Variants in ARID2 observed in about 807,000 individuals in gnomAD.
The protein encoded by ARID2 is AT-rich interaction domain 2.
In ARID2, 32 loss-of-function variants were observed where a neutral mutation model predicts 184.6. The ratio of observed to expected loss-of-function variants is 0.17; its 90% confidence interval spans 0.13 to 0.23. The LOEUF (loss-of-function observed/expected upper bound fraction) is 0.23. Ranked by LOEUF, ARID2 falls within the 10% of genes least tolerant of loss-of-function variation. ARID2 has a pLI of 1.00. For synonymous variants in ARID2, 836 were observed against 772.6 expected (o/e 1.08, Z -1.36); for missense variants, 1,696 against 2,197.6 (o/e 0.77, Z 4.56).
At chr12:45,746,859 C>T (rs142701249) in intron 3 of ARID2, among the ~76,000 whole-genome samples, 3,632 of 152,226 alleles carry the variant, frequency 0.024, 60 homozygotes, top group Non-Finnish European at 0.038. Flanking sequence ...CTCCGCCTTC[C>T]GGGTTCACGC....
At position 45,849,758 on chromosome 12, in the gene ARID2, C is replaced by T. The variant is rs2138157599; in HGVS notation, c.1894C>T (p.Pro632Ser). Residue 632 changes from proline to serine, a missense_variant, in exon 14 of 21, where the codon CCT (proline) becomes TCT (serine). Transcript: ENST00000334344. ...VRVDSVPDVS[P>S]APSPAGIPHG... is the part of the protein sequence containing the mutation. ...TGTTGATTCTGTTCCTGATGTATCTCCTGCTCCTTCACCTGCAGGTGTTAA... is the reference window on the plus strand; with the variant it reads ...TGTTGATTCTGTTCCTGATGTATCTTCTGCTCCTTCACCTGCAGGTGTTAA... 6.2e-7 allele frequency: 1 copy of T among 1,611,922 alleles called. No individual in the cohort carries two copies. Among genetic ancestry groups the T allele is most frequent in the Non-Finnish European group, 8.5e-7 (1 of 1,179,012 alleles).
At chr12:45,745,381 G>A (rs1032331636) in intron 3 of ARID2, among the ~76,000 whole-genome samples, 15 of 152,118 alleles carry the variant, frequency 9.9e-5, no homozygotes, top group Non-Finnish European at 1.5e-4. Flanking sequence ...GTAGGCCTGC[G>A]TGGGGATAAT....
intron 3 of ARID2, among the ~76,000 whole-genome samples, chr12:45,741,045 C>CT (rs982090755): frequency 6.6e-6 from 1 of 152,272 alleles, no homozygotes; most frequent in Non-Finnish European, 1.5e-5. Flanking sequence ...TACCATCAAA[C>CT]TTTTACCCAG....
chr12:45,758,961 T>C (rs929829554), intron 3 of ARID2, among the ~76,000 whole-genome samples: 4 of 152,106 alleles, frequency 2.6e-5, no homozygotes, highest in African/African-American at 9.7e-5. Context: ...AAAAGTCATA[T>C]CAGATATGTC....
chr12:45,883,684 C>G lies in ARID2; in HGVS notation c.4923-8096C>G, dbSNP rs113687951. Among the ~76,000 whole-genome samples, 1,097 of 151,414 alleles carry G rather than the reference C, an allele frequency of 7.2e-3. 10 individuals carry two copies. The highest frequency in any genetic ancestry group is 0.017 in the Middle Eastern group (5 of 294). ...GTAGTATCACATAGAAGGAGAAAAT[C>G]AGGTCTTTTATGTTAGACATACCAG... On this transcript the variant is annotated intron_variant, in intron 16 of 20. Coordinates refer to ENST00000334344, the MANE Select transcript of ARID2 (RefSeq NM_152641.4).
In ARID2 at chr12:45,821,429, C is replaced by T. The variant is rs2138098837; in HGVS notation, c.647C>T (p.Ser216Phe). 6.6e-7 allele frequency: 1 copy of T among 1,515,702 alleles called. No individual in the cohort carries two copies. The allele number at this position is 1,515,702 out of a possible 1,614,324, so 93.9% of individuals were successfully genotyped here. Residue 216 changes from serine (S) to phenylalanine (F), a missense_variant, in exon 6 of 21, where the codon TCC (serine) becomes TTC (phenylalanine). Physicochemically the swap from Ser to Phe is radical, Grantham distance 155. Transcript: ENST00000334344. ...TTTATTTGTTTTTTAGCTTTAGGAT[C>T]CTTTTCCACTGTATTTGGAGAAGAA... ...NAGVFDDTLG[S>F]FSTVFGEEWK...
intron 15 of ARID2, among the ~76,000 whole-genome samples, chr12:45,859,121 A>G (rs1457467323): frequency 1.3e-5 from 2 of 152,166 alleles, no homozygotes; most frequent in Non-Finnish European, 2.9e-5. Context: ...TTTCCCACCT[A>G]TTGCCAGTAC....
chr12:45,836,147 C>T (rs1943217490), intron 6 of ARID2, among the ~76,000 whole-genome samples: 1 of 152,138 alleles, frequency 6.6e-6, no homozygotes, highest in Admixed American at 6.6e-5. Flanking sequence ...GTAGCAATAT[C>T]CACATGAACT....
intron 3 of ARID2, among the ~76,000 whole-genome samples, chr12:45,788,117 T>G (rs1190724689): frequency 6.6e-6 from 1 of 152,212 alleles, no homozygotes; most frequent in East Asian, 1.9e-4. Flanking sequence ...ATTCAACATT[T>G]AAACGTAGAA....
At chr12:45,788,124 A>G (rs542255591) in intron 3 of ARID2, among the ~76,000 whole-genome samples, 1 of 152,318 alleles carries the variant, frequency 6.6e-6, no homozygotes, top group Admixed American at 6.5e-5. Context: ...ATTTAAACGT[A>G]GAACTTTAGA....
intron 6 of ARID2, among the ~76,000 whole-genome samples, chr12:45,828,610 G>A (rs561126378): frequency 4.6e-5 from 7 of 152,042 alleles, no homozygotes; most frequent in Middle Eastern, 3.4e-3. Flanking sequence ...CCAGTTCCTC[G>A]TTGTTGACAG....
intron 3 of ARID2, among the ~76,000 whole-genome samples, chr12:45,792,193 G>C (rs1366734899): frequency 1.3e-5 from 2 of 151,954 alleles, no homozygotes; most frequent in African/African-American, 2.4e-5. Flanking sequence ...GTACATTTCT[G>C]TCTTAAGTAC....
intron 3 of ARID2, among the ~76,000 whole-genome samples, chr12:45,781,815 T>G (rs1477022636): frequency 6.6e-6 from 1 of 152,204 alleles, no homozygotes; most frequent in Non-Finnish European, 1.5e-5. Flanking sequence ...TTAACATACT[T>G]TAAGTGCTCT....
rs538608702 is a variant in ARID2, at chr12:45,803,116, T to A, written c.285-8302T>A. 4.6e-5 allele frequency among the ~76,000 whole-genome samples: 7 copies of A among 152,334 alleles called. No homozygotes were observed. The South Asian group carries it at 1.4e-3, about 32-fold the overall frequency. On this transcript the variant is annotated intron_variant, in intron 3 of 20. Transcript: ENST00000334344. Reference sequence around the variant, plus strand: ...ATTATTTGCTTATGAGAACATATCTTCCATGTTAGAGCTTTCCTTTAATGA... The same window carrying A: ...ATTATTTGCTTATGAGAACATATCTACCATGTTAGAGCTTTCCTTTAATGA...
At chr12:45,843,408 C>T (rs1381777339) in intron 11 of ARID2, among the ~76,000 whole-genome samples, 2 of 150,858 alleles carry the variant, frequency 1.3e-5, no homozygotes, top group Non-Finnish European at 1.5e-5. Flanking sequence ...CAGCGTCTCA[C>T]TCTTGCCCAG....
chr12:45,868,239 G>A (rs1943862133), intron 16 of ARID2, among the ~76,000 whole-genome samples: 1 of 152,104 alleles, frequency 6.6e-6, no homozygotes, highest in Admixed American at 6.5e-5. Flanking sequence ...TCAGGAGTTC[G>A]AGACCAGCCT....
intron 16 of ARID2, among the ~76,000 whole-genome samples, chr12:45,887,337 T>G (rs1309797076): frequency 6.6e-6 from 1 of 152,224 alleles, no homozygotes; most frequent in Non-Finnish European, 1.5e-5. Flanking sequence ...CATTTTGCAT[T>G]GTTTTGCCAG....
At chr12:45,902,838 C>T (rs1344549446) in intron 20 of ARID2, among the ~76,000 whole-genome samples, 2 of 152,264 alleles carry the variant, frequency 1.3e-5, no homozygotes, top group East Asian at 3.9e-4. Context: ...AATTTTTGTA[C>T]AACTAATTTT....
rs77284087 is a variant in ARID2 at position 45,855,731 on chromosome 12, G to A, written c.4773+2835G>A. 4.4e-3 allele frequency among the ~76,000 whole-genome samples: 669 copies of A among 152,162 alleles called. 7 individuals carry two copies. Among genetic ancestry groups the A allele is most frequent in the African/African-American group, 0.014 (585 of 41,500 alleles). Reference sequence around the variant, plus strand: ...CTTTTAATTTCTTTCTTTTTTGGGTGGGGAAGACAGGGGCTTACTCTGTTG... The same window carrying A: ...CTTTTAATTTCTTTCTTTTTTGGGTAGGGAAGACAGGGGCTTACTCTGTTG... On this transcript the variant is annotated intron_variant, in intron 15 of 20. Transcript: ENST00000334344.
Sources: gnomAD v4.1 joint callset for allele counts (sites outside exome capture counted in the v4.1 genomes callset) on GRCh38, gnomAD v4.1.1 for gene constraint, MANE v1.5 for transcripts, NCBI Gene and HGNC (gene_info 2026-07-23, HGNC 2026-07-21) for gene names.